Variants in ATP11C observed in about 807,000 individuals in gnomAD.
ATP11C encodes the protein phospholipid-transporting ATPase IG.
In ATP11C, 36 loss-of-function variants were observed where a neutral mutation model predicts 97.4. The observed-to-expected ratio is 0.37, with a 90% CI of 0.28 to 0.49. The LOEUF (loss-of-function observed/expected upper bound fraction) is 0.49, where lower values mean the gene tolerates loss of function less well. ATP11C is among the 20% of genes least tolerant of loss of function. The pLI, the probability that ATP11C is intolerant of heterozygous loss-of-function variation, is 0.98. For synonymous variants in ATP11C, 275 were observed against 290.9 expected, an observed-to-expected ratio of 0.95 and a Z score of 0.56; for missense variants, 730 against 824.6, an observed-to-expected ratio of 0.89 and a Z score of 1.40.
intron 13 of ATP11C, among the ~76,000 whole-genome samples, chrX:139,789,118 G>A (rs1327558719): frequency 9.1e-6 from 1 of 109,463 alleles, no homozygotes; most frequent in Admixed American, 9.8e-5. Flanking sequence ...CAGGAGAATC[G>A]CTTGAACCTG....
chrX:139,770,594 G>C (rs1242487606), intron 19 of ATP11C, among the ~76,000 whole-genome samples: 2 of 110,702 alleles, frequency 1.8e-5, no homozygotes, highest in African/African-American at 6.6e-5. Context: ...CTCTGATGTG[G>C]GTGGGGCACT....
At chrX:139,799,644 CTTTTTT>C (rs754371113) in intron 8 of ATP11C, among the ~76,000 whole-genome samples, 1 of 60,368 alleles carries the variant, frequency 1.7e-5, no homozygotes, top group African/African-American at 8.0e-5. Flanking sequence ...CTTTATATTC[CTTTTTT>C]TTTTTTTTTT....
rs760654771 is a variant in ATP11C, at chrX:139,932,788, C to T, written c.-746G>A. 1 of 112,088 alleles carries T rather than the reference C, an allele frequency of 8.9e-6. No homozygotes were observed. The highest frequency in any genetic ancestry group is 3.2e-5 in the African/African-American group (1 of 30,931). 9.2% of individuals were successfully genotyped at this position (112,088 alleles called of 1,213,427 possible). A position where few individuals can be genotyped will look rare whatever the true frequency, so the allele number is the denominator to read the frequency against. ...CTGAGCCAGCCGACGGCCAGACTCCCTCTTCCGGGCGTGGTGGAGCCGGGC... is the reference window on the plus strand; with the variant it reads ...CTGAGCCAGCCGACGGCCAGACTCCTTCTTCCGGGCGTGGTGGAGCCGGGC... On this transcript the variant is annotated 5_prime_UTR_variant, in exon 1 of 30. Coordinates refer to ENST00000682941, the MANE Select transcript of ATP11C (RefSeq NM_001353812.2).
chrX:139,893,805 T>C (rs2084766799), intron 1 of ATP11C, among the ~76,000 whole-genome samples: 1 of 111,191 alleles, frequency 9.0e-6, no homozygotes, highest in African/African-American at 3.3e-5. Flanking sequence ...CAGATGCCTA[T>C]GTTCCTTCCA....
chrX:139,868,090 A>G (rs759197658), intron 1 of ATP11C, among the ~76,000 whole-genome samples: 51 of 112,318 alleles, frequency 4.5e-4, no homozygotes, highest in South Asian at 4.4e-3. Flanking sequence ...GACACACTGC[A>G]TATCTACATC....
intron 1 of ATP11C, among the ~76,000 whole-genome samples, chrX:139,854,627 G>T (rs1473809134): frequency 8.9e-6 from 1 of 112,159 alleles, no homozygotes; most frequent in Non-Finnish European, 1.9e-5. Context: ...CTTATAAAAA[G>T]GAATTTATGC....
chrX:139,827,620 A>G (rs919686139), intron 1 of ATP11C, among the ~76,000 whole-genome samples: 4 of 111,679 alleles, frequency 3.6e-5, no homozygotes, highest in South Asian at 3.8e-4. Context: ...GTATGGTACT[A>G]TATTACCATA....
intron 22 of ATP11C, 44 bp downstream of exon 22, chrX:139,761,917 G>A (rs1603349946): frequency 3.0e-6 from 3 of 989,035 alleles, no homozygotes; most frequent in Non-Finnish European, 4.0e-6. Context: ...CTGAGCCAAT[G>A]CTGGATTAAA....
chrX:139,873,342 T>C (rs915231868), intron 1 of ATP11C, among the ~76,000 whole-genome samples: 2 of 111,929 alleles, frequency 1.8e-5, no homozygotes, highest in Non-Finnish European at 3.8e-5. Flanking sequence ...ACAAGAGTTC[T>C]AGAGATGGAG....
chrX:139,810,884 T>TC (rs2083158175), intron 5 of ATP11C, among the ~76,000 whole-genome samples: 1 of 108,534 alleles, frequency 9.2e-6, no homozygotes, highest in South Asian at 4.0e-4. Context: ...TTTTTTTTTT[T>TC]CAGACGCACT....
chrX:139,739,622 A>G (rs983492034), intron 27 of ATP11C, among the ~76,000 whole-genome samples: 1 of 112,212 alleles, frequency 8.9e-6, no homozygotes, highest in Non-Finnish European at 1.9e-5. Flanking sequence ...TAGTAGCACT[A>G]ATGAATAAAC....
At chrX:139,733,648 G>T (rs929575646) in intron 28 of ATP11C, among the ~76,000 whole-genome samples, 1 of 111,564 alleles carries the variant, frequency 9.0e-6, no homozygotes, top group East Asian at 2.8e-4. Flanking sequence ...CTGAGAAAAA[G>T]ATTTTAATTG....
intron 1 of ATP11C, among the ~76,000 whole-genome samples, chrX:139,919,570 T>G (rs1569492602): frequency 9.0e-6 from 1 of 110,930 alleles, no homozygotes; most frequent in Admixed American, 9.6e-5. Flanking sequence ...ACAATTACCA[T>G]ATGACCCAGC....
chrX:139,779,840 A>C (rs1438181378), intron 18 of ATP11C, among the ~76,000 whole-genome samples: 1 of 111,925 alleles, frequency 8.9e-6, no homozygotes, highest in Non-Finnish European at 1.9e-5. Flanking sequence ...AAAAGAGAGG[A>C]TTAAAATAAG....
intron 29 of ATP11C, among the ~76,000 whole-genome samples, chrX:139,731,153 A>G (rs1291993649): frequency 8.9e-6 from 1 of 111,813 alleles, no homozygotes; most frequent in Non-Finnish European, 1.9e-5. Flanking sequence ...ATAAGTGTAT[A>G]CAGTACCTGC....
chrX:139,800,016 C>G (rs775104864), intron 8 of ATP11C, 44 bp downstream of exon 8: 2 of 431,628 alleles, frequency 4.6e-6, no homozygotes, highest in East Asian at 5.9e-5. Context: ...AAAATAGACC[C>G]CCCCCCCCAA....
intron 23 of ATP11C, among the ~76,000 whole-genome samples, chrX:139,756,968 T>TA (rs756085784): frequency 0.12 from 4,648 of 37,192 alleles, 179 homozygotes; most frequent in Non-Finnish European, 0.16. Context: ...AACCTAAAAG[T>TA]AAAAAAAAAA....
intron 1 of ATP11C, among the ~76,000 whole-genome samples, chrX:139,893,021 G>T (rs1193005078): frequency 8.9e-6 from 1 of 111,858 alleles, no homozygotes; most frequent in Non-Finnish European, 1.9e-5. Context: ...CCAGTATACA[G>T]AGATCTTGTC....
At chrX:139,789,734 A>C (rs755175554) in intron 12 of ATP11C, among the ~76,000 whole-genome samples, 1 of 111,963 alleles carries the variant, frequency 8.9e-6, no homozygotes, top group South Asian at 3.8e-4. Context: ...TGAATAGAAA[A>C]AAATGTGACT....
Sources: allele counts gnomAD v4.1 joint callset (sites outside exome capture counted in the v4.1 genomes callset), GRCh38; gene constraint gnomAD v4.1.1; transcripts MANE v1.5; gene names NCBI Gene and HGNC (gene_info 2026-07-23, HGNC 2026-07-21).